Variants in DNAH12 observed in about 807,000 individuals in gnomAD.
DNAH12 encodes the protein dynein axonemal heavy chain 12, also known as axonemal beta dynein heavy chain 12.
Under a neutral mutation model 371.5 loss-of-function variants are expected in DNAH12, and 285 were observed. That is an observed-to-expected ratio of 0.77 (90% confidence interval 0.70 to 0.85). The LOEUF is 0.85. Among genes scored for constraint, DNAH12 ranks in the 40% least tolerant of loss-of-function variants. DNAH12 has a pLI of 0.00. For missense variants in DNAH12, 3,611 were observed against 3,689.4 expected (o/e 0.98, Z 0.55); for synonymous variants, 1,200 against 1,213.0 (o/e 0.99, Z 0.22).
intron 55 of DNAH12, among the ~76,000 whole-genome samples, chr3:57,375,071 A>C (rs1279597331): frequency 6.6e-6 from 1 of 152,164 alleles, no homozygotes; most frequent in African/African-American, 2.4e-5. Flanking sequence ...TTTTACCTCA[A>C]AAGAATAAAA....
intron 65 of DNAH12, among the ~76,000 whole-genome samples, chr3:57,316,729 C>A (rs1473458361): frequency 6.6e-6 from 1 of 152,180 alleles, no homozygotes; most frequent in African/African-American, 2.4e-5. Context: ...TGAGTTCTCA[C>A]GAGATCCGAT....
chr3:57,555,972 C>G, the DNAH12 span, among the ~76,000 whole-genome samples: 1 of 152,246 alleles, frequency 6.6e-6, no homozygotes, highest in Non-Finnish European at 1.5e-5. Context: ...GGGAGGAGAG[C>G]TGGTCAGCCA....
At chr3:57,410,592 T>C (rs1425044503) in intron 39 of DNAH12, among the ~76,000 whole-genome samples, 1 of 151,662 alleles carries the variant, frequency 6.6e-6, no homozygotes. Flanking sequence ...GCCAAGGTGG[T>C]GGATCACTTG....
chr3:57,493,776 C>CAAA (rs376444832), intron 11 of DNAH12: 1 of 80,828 alleles, frequency 1.2e-5, no homozygotes, highest in African/African-American at 5.8e-5. Flanking sequence ...CTTGACCAGT[C>CAAA]AAAAAAAAAA....
intron 55 of DNAH12, among the ~76,000 whole-genome samples, 178 bp from the exon 56 acceptor site, chr3:57,368,438 CTTATT>C (rs1434990920): frequency 8.8e-5 from 13 of 148,340 alleles, no homozygotes; most frequent in African/African-American, 3.2e-4. Flanking sequence ...TTTTTTCTTT[CTTATT>C]TATTTTTCAA....
chr3:57,445,380 C>T lies in DNAH12; in HGVS notation c.4219G>A (p.Ala1407Thr). 6.5e-7 allele frequency: 1 copy of T among 1,550,234 alleles called. No individual in the cohort carries two copies. The highest frequency in any genetic ancestry group is 8.7e-7 in the Non-Finnish European group (1 of 1,146,626). The change falls in exon 28 of 74, where the codon GCG becomes ACG. Residue 1407 changes from alanine (A) to threonine (T), a missense_variant. Ala to Thr is a moderately conservative substitution (Grantham distance 58, BLOSUM62 0). Around this residue, in one of 3 missense-constraint regions of DNAH12, gnomAD observed 2,266 missense variants for 2,236.9 expected, o/e 1.01. Transcript: ENST00000495027. ...RTVAMMVPNYALIAEISLYSY... is the reference protein window; with the variant it reads ...RTVAMMVPNYTLIAEISLYSY... ...TAGAGGGAGATTTCTGCTATAAGCGCATAGTTTGGAACCATCATAGCCACT... is the reference window on the plus strand; with the variant it reads ...TAGAGGGAGATTTCTGCTATAAGCGTATAGTTTGGAACCATCATAGCCACT...
chr3:57,356,352 T>A (rs1169880973), intron 59 of DNAH12, among the ~76,000 whole-genome samples: 4 of 151,890 alleles, frequency 2.6e-5, no homozygotes, highest in Admixed American at 1.3e-4. Context: ...CTGAGCTGGG[T>A]GGATCACCTG....
intron 55 of DNAH12, among the ~76,000 whole-genome samples, chr3:57,372,682 C>T (rs1338735334): frequency 6.6e-6 from 1 of 151,058 alleles, no homozygotes; most frequent in Admixed American, 6.6e-5. Context: ...AATACCAGCA[C>T]AAACACTAAA....
intron 34 of DNAH12, 113 bp downstream of exon 34, chr3:57,428,520 C>CAT: frequency 6.6e-7 from 1 of 1,522,696 alleles, no homozygotes. Context: ...ATAGTAAATG[C>CAT]ATAAGGACAA....
intron 16 of DNAH12, among the ~76,000 whole-genome samples, chr3:57,469,432 A>G (rs558995911): frequency 2.6e-5 from 4 of 152,320 alleles, no homozygotes; most frequent in African/African-American, 9.6e-5. Context: ...GAGATTTTTC[A>G]AAGAATTTAA....
intron 53 of DNAH12, 134 bp from the exon 54 acceptor site, chr3:57,376,099 T>C (rs1433638254): frequency 2.6e-5 from 4 of 152,086 alleles, no homozygotes; most frequent in African/African-American, 4.8e-5. Context: ...ATCTGTAAAA[T>C]GAGGTTGGAA....
chr3:57,503,446 T>C (rs2067632032), intron 9 of DNAH12, among the ~76,000 whole-genome samples: 1 of 151,210 alleles, frequency 6.6e-6, no homozygotes, highest in African/African-American at 2.4e-5. Flanking sequence ...TGGAGTGCAG[T>C]GGGGTGATCT....
At chr3:57,296,771 G>A in intron 71 of DNAH12, 76 bp downstream of exon 71, 1 of 1,477,712 alleles carries the variant, frequency 6.8e-7, no homozygotes, top group Non-Finnish European at 9.1e-7. Context: ...CTTACAATGG[G>A]TTACAATACA....
rs1328627362 is a variant in DNAH12, at chr3:57,357,727, C to T, written c.9361-379G>A. 3.3e-5 allele frequency among the ~76,000 whole-genome samples: 5 copies of T among 152,292 alleles called. No homozygotes were observed. In the East Asian group the frequency reaches 9.7e-4, roughly 29 times the overall value. ...GACCTGTGTCTACTGTAGTCATTCA[C>T]CTTCTTTTATCTTAACAGGTCAGAG... On this transcript the variant is annotated intron_variant, in intron 58 of 73. Coordinates refer to ENST00000495027, the MANE Select transcript of DNAH12 (RefSeq NM_001366028.2).
At chr3:57,325,908 C>G (rs1383160265) in intron 62 of DNAH12, among the ~76,000 whole-genome samples, 1 of 152,134 alleles carries the variant, frequency 6.6e-6, no homozygotes, top group Admixed American at 6.5e-5. Context: ...GGCACGAGAA[C>G]TATGTGTAGA....
At chr3:57,300,357 A>G (rs2107650453) in intron 70 of DNAH12, among the ~76,000 whole-genome samples, 1 of 152,358 alleles carries the variant, frequency 6.6e-6, no homozygotes, top group East Asian at 1.9e-4. Flanking sequence ...AGAAAGAAAG[A>G]TAATGAGAGA....
Position 57,413,914 on chromosome 3 carries a change from T to C in DNAH12, c.5854-2A>G. 6.5e-7 allele frequency: 1 copy of C among 1,548,768 alleles called. No homozygotes were observed. Among genetic ancestry groups the C allele is most frequent in the Non-Finnish European group, 8.7e-7 (1 of 1,145,972 alleles). ...ATCCAATCTAGCCATGATAATGTTC[T>C]AAAATATGAAGGAAGAATGGTATAT... On this transcript the variant is annotated splice_acceptor_variant, in intron 38 of 73. Transcript: ENST00000495027. LOFTEE classifies it high-confidence loss of function.
chr3:57,411,526 CAAA>C (rs57344840), intron 39 of DNAH12, among the ~76,000 whole-genome samples: 33 of 39,142 alleles, frequency 8.4e-4, no homozygotes, highest in African/African-American at 2.5e-3. Flanking sequence ...GACACTGTCT[CAAA>C]AAAAAAAAAA....
intron 60 of DNAH12, among the ~76,000 whole-genome samples, chr3:57,338,150 T>C (rs570160022): frequency 6.6e-6 from 1 of 152,304 alleles, no homozygotes; most frequent in Non-Finnish European, 1.5e-5. Flanking sequence ...GTGCCTGGGA[T>C]TGCAGGCACG....
Sources: allele counts gnomAD v4.1 joint callset (sites outside exome capture counted in the v4.1 genomes callset), GRCh38; gene constraint gnomAD v4.1.1; regional missense constraint gnomAD v4.1.1; transcripts MANE v1.5; gene names NCBI Gene and HGNC (gene_info 2026-07-23, HGNC 2026-07-21).